GRID1: variants seen among roughly 807,000 people sequenced by gnomAD.
The protein encoded by GRID1 is glutamate ionotropic receptor delta type subunit 1.
GRID1 carries 28 observed loss-of-function variants against 98.0 expected under a neutral mutation model. The observed-to-expected ratio is 0.29, with a 90% CI of 0.21 to 0.39. The LOEUF is 0.39. Among genes scored for constraint, GRID1 ranks in the 10% least tolerant of loss-of-function variants. GRID1 has a pLI of 1.00. For missense variants in GRID1, 1,111 were observed against 1,340.5 expected (o/e 0.83, Z 2.67); for synonymous variants, 553 against 538.5 (o/e 1.03, Z -0.37).
chr10:86,333,385 G>C (rs1848176573), intron 2 of GRID1, among the ~76,000 whole-genome samples: 1 of 152,194 alleles, frequency 6.6e-6, no homozygotes, highest in African/African-American at 2.4e-5. Flanking sequence ...ATAAATATTT[G>C]TTTCCATATC....
At chr10:85,630,578 AT>A (rs1386865452) in intron 13 of GRID1, among the ~76,000 whole-genome samples, 1 of 152,198 alleles carries the variant, frequency 6.6e-6, no homozygotes, top group Non-Finnish European at 1.5e-5. Context: ...CCAATTATTC[AT>A]TTCATATCAA....
chr10:86,036,412 C>T (rs1404882666), intron 4 of GRID1, among the ~76,000 whole-genome samples: 1 of 152,192 alleles, frequency 6.6e-6, no homozygotes, highest in African/African-American at 2.4e-5. Flanking sequence ...ACCCTGCACC[C>T]TGGCAGATTT....
At chr10:86,216,167 A>G (rs1047219163) in intron 2 of GRID1, among the ~76,000 whole-genome samples, 4 of 152,238 alleles carry the variant, frequency 2.6e-5, no homozygotes, top group Non-Finnish European at 5.9e-5. Flanking sequence ...CTGCATGTCC[A>G]GGAATACTTT....
At chr10:85,950,732 C>T (rs551126047) in intron 4 of GRID1, among the ~76,000 whole-genome samples, 2 of 152,170 alleles carry the variant, frequency 1.3e-5, no homozygotes, top group Non-Finnish European at 2.9e-5. Flanking sequence ...TCCTACACCC[C>T]GCTTGGCACA....
At chr10:86,034,172 G>A (rs377565991) in intron 4 of GRID1, among the ~76,000 whole-genome samples, 2 of 152,108 alleles carry the variant, frequency 1.3e-5, no homozygotes, top group Admixed American at 1.3e-4. Context: ...TAATGGCATC[G>A]AGGTAACAGA....
chr10:86,100,758 C>T (rs117759682), intron 4 of GRID1, among the ~76,000 whole-genome samples: 6,942 of 152,312 alleles, frequency 0.046, 190 homozygotes, highest in Non-Finnish European at 0.058. Context: ...AATGTGCACA[C>T]GCAGGACGTG....
At chr10:85,793,707 T>TA (rs1842501869) in intron 8 of GRID1, among the ~76,000 whole-genome samples, 1 of 152,130 alleles carries the variant, frequency 6.6e-6, no homozygotes, top group African/African-American at 2.4e-5. Context: ...ATTACTACCA[T>TA]GGTAAAGGTA....
At chr10:86,295,882 C>G (rs1334270616) in intron 2 of GRID1, among the ~76,000 whole-genome samples, 1 of 152,240 alleles carries the variant, frequency 6.6e-6, no homozygotes, top group Non-Finnish European at 1.5e-5. Context: ...TAGAAAGCAC[C>G]TGCTCACCTG....
intron 8 of GRID1, among the ~76,000 whole-genome samples, chr10:85,744,114 G>A: frequency 6.6e-6 from 1 of 151,654 alleles, no homozygotes; most frequent in African/African-American, 2.4e-5. Context: ...TGAAATGAAG[G>A]GTATACCTGT....
chr10:85,845,160 A>G (rs7899983), intron 8 of GRID1, among the ~76,000 whole-genome samples: 23,399 of 152,034 alleles, frequency 0.15, 2,083 homozygotes, highest in African/African-American at 0.23. Flanking sequence ...TTTATTAGTC[A>G]TAGATGACAT....
intron 4 of GRID1, among the ~76,000 whole-genome samples, chr10:85,944,821 G>T (rs934716317): frequency 6.6e-6 from 1 of 150,622 alleles, no homozygotes; most frequent in African/African-American, 2.4e-5. Flanking sequence ...TTACTGTAGA[G>T]TTTTTTTTTT....
At chr10:85,747,623 G>A (rs180870686) in intron 8 of GRID1, among the ~76,000 whole-genome samples, 216 of 152,296 alleles carry the variant, frequency 1.4e-3, no homozygotes, top group African/African-American at 4.9e-3. Context: ...GAGTCAAAGA[G>A]TTATTCTTAC....
chr10:86,120,622 G>T lies in GRID1; in HGVS notation c.726+18197C>A, dbSNP rs533596936. Among the ~76,000 whole-genome samples, 9 of 152,260 alleles carry T rather than the reference G, an allele frequency of 5.9e-5. No individual in the cohort carries two copies. In the South Asian group the frequency reaches 1.0e-3, roughly 18 times the overall value. On this transcript the variant is annotated intron_variant, in intron 4 of 15. Transcript: ENST00000327946. The stretch of plus-strand genomic sequence containing the variant: ...TTTAAATTACAAATTCTGCTCTTCA[G>T]AATTCCATTATCCTCACTAGAGTCC...
Position 86,366,787 on chromosome 10 carries a change from G to T in GRID1, c.-395C>A, listed in dbSNP as rs1314133459. ...GGCTGTGTGTCTGAGCCCCGGCGAG[G>T]AGCGAACTGCGGAGGACGCCCCCTC... is the stretch of plus-strand genomic sequence containing the variant. On this transcript the variant is annotated 5_prime_UTR_variant, in exon 1 of 16. Transcript: ENST00000327946. This position sits in a 1 kb window ranked among gnomAD's most constrained non-coding sequence, Gnocchi z 4.1. Among the ~76,000 whole-genome samples, 6 of 150,452 alleles carry T rather than the reference G, an allele frequency of 4.0e-5. No homozygotes were observed. The highest frequency in any genetic ancestry group is 7.5e-5 in the Non-Finnish European group (5 of 67,072).
intron 4 of GRID1, among the ~76,000 whole-genome samples, chr10:86,017,656 T>C (rs892141892): frequency 6.6e-6 from 1 of 152,172 alleles, no homozygotes; most frequent in African/African-American, 2.4e-5. Context: ...AGACATTCAA[T>C]CCAGAGGGCC....
rs148468229 is a variant in GRID1, at chr10:85,682,172, T to C, written c.1998-34775A>G. On this transcript the variant is annotated intron_variant, in intron 12 of 15. Coordinates refer to ENST00000327946, the MANE Select transcript of GRID1 (RefSeq NM_017551.3). ...GCAACACGCTGATATGAGAAGGGTA[T>C]AGAGATAAGTCCCAAGACCAGATCT... Among the ~76,000 whole-genome samples the C allele has an allele frequency of 2.6e-5, 4 of 152,306 alleles. No homozygotes were observed. The East Asian group carries it at 5.8e-4, about 22-fold the overall frequency.
intron 2 of GRID1, among the ~76,000 whole-genome samples, chr10:86,322,732 A>G (rs1440259700): frequency 6.7e-6 from 1 of 150,292 alleles, no homozygotes; most frequent in Non-Finnish European, 1.5e-5. Flanking sequence ...TTTTTTAAAT[A>G]AAAATAAATA....
At chr10:86,248,038 G>A (rs552111789) in intron 2 of GRID1, among the ~76,000 whole-genome samples, 22 of 152,274 alleles carry the variant, frequency 1.4e-4, no homozygotes, top group Middle Eastern at 3.4e-3. Context: ...GCCCCCAAGG[G>A]GCCCAATAGA....
At chr10:86,005,728 A>C (rs1285294393) in intron 4 of GRID1, among the ~76,000 whole-genome samples, 1 of 152,226 alleles carries the variant, frequency 6.6e-6, no homozygotes, top group Non-Finnish European at 1.5e-5. Flanking sequence ...TTCAGACAAG[A>C]TACAAGAATG....
Sources: allele counts gnomAD v4.1 joint callset (sites outside exome capture counted in the v4.1 genomes callset), GRCh38; gene constraint gnomAD v4.1.1; non-coding constraint Gnocchi (gnomAD v3.1); transcripts MANE v1.5; gene names NCBI Gene and HGNC (gene_info 2026-07-23, HGNC 2026-07-21).